The following CSF2RA variants were observed in gnomAD, a reference collection of about 807,000 sequenced individuals.
The protein encoded by CSF2RA is granulocyte-macrophage colony-stimulating factor receptor subunit alpha.
In CSF2RA, 42 loss-of-function variants were observed where a neutral mutation model predicts 51.6. That is an observed-to-expected ratio of 0.81 (90% confidence interval 0.64 to 1.05). The LOEUF (loss-of-function observed/expected upper bound fraction) is 1.05, where lower values mean the gene tolerates loss of function less well. Among genes scored for constraint, CSF2RA ranks in the 50% least tolerant of loss-of-function variants. The pLI, the probability that CSF2RA is intolerant of heterozygous loss-of-function variation, is 0.00. For synonymous variants in CSF2RA, 222 were observed against 193.0 expected (o/e 1.15, Z -1.24); for missense variants, 530 against 501.1 (o/e 1.06, Z -0.55).
chrX:1,308,012 T>G (rs2083849418), intron 12 of CSF2RA, among the ~76,000 whole-genome samples: 1 of 147,076 alleles, frequency 6.8e-6, no homozygotes, highest in African/African-American at 2.6e-5. Flanking sequence ...CCTTTAGACC[T>G]TCAACTGATT....
chrX:1,323,842 G>A, the CSF2RA span, among the ~76,000 whole-genome samples: 20 of 151,576 alleles, frequency 1.3e-4, no homozygotes, highest in African/African-American at 2.9e-4. Flanking sequence ...GTGAAACCCC[G>A]TCTCTAATAA....
the CSF2RA span, among the ~76,000 whole-genome samples, chrX:1,320,646 C>T: frequency 6.6e-6 from 1 of 150,576 alleles, no homozygotes; most frequent in African/African-American, 2.4e-5. Flanking sequence ...TACAGGCGCC[C>T]ACCATCATGC....
At position 1,284,195 on chromosome X, in the gene CSF2RA, C is replaced by CTCTTTTTTTTT. The variant is rs1443798206; in HGVS notation, c.76+1417_76+1418insCTTTTTTTTTT. Among the ~76,000 whole-genome samples the CTCTTTTTTTTT allele has an allele frequency of 1.4e-4, 13 of 91,748 alleles. 2 individuals carry two copies. The highest frequency in any genetic ancestry group is 5.1e-4 in the African/African-American group (13 of 25,368). 60.2% of individuals were successfully genotyped at this position (91,748 alleles called of 152,430 possible). On this transcript the variant is annotated intron_variant, in intron 3 of 12. Transcript: ENST00000381529. ...CAAGCGGTTTTCTTTCTCTGTCTCT[C>CTCTTTTTTTTT]TTTTTTTTTTTTTTTTTTTTTTTTT...
intron 2 of CSF2RA, among the ~76,000 whole-genome samples, chrX:1,276,297 G>A (rs2089185182): frequency 6.6e-6 from 1 of 152,022 alleles, no homozygotes; most frequent in Non-Finnish European, 1.5e-5. Context: ...GCCTCCAGAA[G>A]TACTGGGATT....
At chrX:1,303,898 G>T in intron 10 of CSF2RA, 25 bp from the exon 11 acceptor site, 1 of 1,584,484 alleles carries the variant, frequency 6.3e-7, no homozygotes, top group Non-Finnish European at 8.7e-7. Context: ...ATTCACCGCA[G>T]ACGCAAACCT....
chrX:1,286,345 G>A (rs373045570), intron 4 of CSF2RA, among the ~76,000 whole-genome samples: 1 of 151,784 alleles, frequency 6.6e-6, no homozygotes, highest in African/African-American at 2.4e-5. Context: ...GAGGCAGGTG[G>A]ATCACCTGAG....
At chrX:1,314,819 T>C (rs369698315), downstream of CSF2RA, among the ~76,000 whole-genome samples, 58 of 36,532 alleles carry the variant, frequency 1.6e-3, 3 homozygotes, top group East Asian at 2.9e-3. Flanking sequence ...AACCCCACTG[T>C]GCCTGCCCAA....
In CSF2RA at chrX:1,276,360, A is replaced by T. The variant is rs865917474; in HGVS notation, c.-27+1542A>T. 6.0e-5 allele frequency among the ~76,000 whole-genome samples: 9 copies of T among 149,820 alleles called. No homozygotes were observed. In the Admixed American group the frequency reaches 6.1e-4, roughly 10 times the overall value. On this transcript the variant is annotated intron_variant, in intron 2 of 12. Coordinates refer to ENST00000381529, the MANE Select transcript of CSF2RA (RefSeq NM_172245.4). The stretch of plus-strand genomic sequence containing the variant: ...GCAGCTTGGTTTTATGTTTGTTTAT[A>T]TATTTATTTATTTATTTATTTTTAA...
At chrX:1,273,065 A>G (rs28847021) in intron 1 of CSF2RA, among the ~76,000 whole-genome samples, 72,863 of 150,324 alleles carry the variant, frequency 0.48, 19,280 homozygotes, top group Non-Finnish European at 0.6. Context: ...AGTGATCCAC[A>G]CGCCTCAGCC....
chrX:1,273,943 G>T (rs2088813487), intron 1 of CSF2RA, among the ~76,000 whole-genome samples: 2 of 151,854 alleles, frequency 1.3e-5, no homozygotes, highest in Non-Finnish European at 2.9e-5. Context: ...GTGGAGCCCT[G>T]TGTTGGGGTA....
chrX:1,290,046 G>A (rs868242530), intron 6 of CSF2RA, among the ~76,000 whole-genome samples: 1 of 83,214 alleles, frequency 1.2e-5, no homozygotes, highest in African/African-American at 4.7e-5. Context: ...TTTGTTTTGT[G>A]TTTTTGTTTT....
At chrX:1,311,395 C>G (rs1271213517), downstream of CSF2RA, among the ~76,000 whole-genome samples, 4 of 151,800 alleles carry the variant, frequency 2.6e-5, no homozygotes, top group Non-Finnish European at 5.9e-5. Flanking sequence ...GCTGAAGGCA[C>G]AATTCCTGTA....
At chrX:1,315,770 A>AATAGATAGATAG in the CSF2RA span, among the ~76,000 whole-genome samples, 1 of 124,572 alleles carries the variant, frequency 8.0e-6, no homozygotes, top group South Asian at 2.5e-4. Flanking sequence ...TAAAATAGAT[A>AATAGATAGATAG]ATAGATAGAT....
the CSF2RA span, among the ~76,000 whole-genome samples, chrX:1,323,109 A>G: frequency 7.2e-6 from 1 of 139,766 alleles, no homozygotes; most frequent in Admixed American, 7.4e-5. Flanking sequence ...AGCCTGAGCG[A>G]CAGAGCGAGA....
rs760226229 is a variant in CSF2RA, at chrX:1,309,550, T to G, written c.*71T>G. On this transcript the variant is annotated 3_prime_UTR_variant, in exon 13 of 13. Coordinates refer to ENST00000381529, the MANE Select transcript of CSF2RA (RefSeq NM_172245.4). The stretch of plus-strand genomic sequence containing the variant: ...CACGGGGGAACTGTTTTCTTGATGA[T>G]GCTGTGAACCTTTATATCATTTTCT... 5.0e-6 allele frequency: 8 copies of G among 1,614,022 alleles called. No individual in the cohort carries two copies. In the South Asian group the frequency reaches 8.8e-5, roughly 18 times the overall value.
At chrX:1,299,455 C>T (rs187710163) in intron 9 of CSF2RA, among the ~76,000 whole-genome samples, 62 of 152,234 alleles carry the variant, frequency 4.1e-4, no homozygotes, top group Middle Eastern at 3.4e-3. Flanking sequence ...GACGGAGTCT[C>T]GCTCTGTCCC....
At chrX:1,312,973 C>T (rs1269612028), downstream of CSF2RA, among the ~76,000 whole-genome samples, 1 of 152,104 alleles carries the variant, frequency 6.6e-6, no homozygotes, top group Admixed American at 6.6e-5. Flanking sequence ...GCGTGGAATC[C>T]TCTGGGCCTG....
chrX:1,280,352 T>C (rs1222535248), intron 2 of CSF2RA, among the ~76,000 whole-genome samples: 1 of 150,966 alleles, frequency 6.6e-6, no homozygotes, highest in Non-Finnish European at 1.5e-5. Flanking sequence ...GCGCCTATAA[T>C]CCCAGCTACT....
Position 1,285,764 on chromosome X carries a change from C to CCCGCTCCT in CSF2RA, c.77-13_77-6dup, listed in dbSNP as rs2090574722. ...AAAAGAGGAAATTCTGAACCCAGTG[C>CCCGCTCCT]CCGCTCCTTGCAGATCTGCGAACAG... On this transcript the variant is annotated splice_polypyrimidine_tract_variant and intron_variant, in intron 3 of 12. Coordinates refer to ENST00000381529, the MANE Select transcript of CSF2RA (RefSeq NM_172245.4). 6.2e-7 allele frequency: 1 copy of CCCGCTCCT among 1,609,508 alleles called. No individual in the cohort carries two copies. Among genetic ancestry groups the CCCGCTCCT allele is most frequent in the African/African-American group, 1.3e-5 (1 of 74,352 alleles).
Sources: gnomAD v4.1 joint callset for allele counts (sites outside exome capture counted in the v4.1 genomes callset) on GRCh38, gnomAD v4.1.1 for gene constraint, MANE v1.5 for transcripts, NCBI Gene and HGNC (gene_info 2026-07-23, HGNC 2026-07-21) for gene names.